BFSP2: variants seen among roughly 807,000 people sequenced by gnomAD.
BFSP2 encodes phakinin.
In BFSP2, 38 loss-of-function variants were observed where a neutral mutation model predicts 44.9. The ratio of observed to expected loss-of-function variants is 0.85; its 90% CI spans 0.65 to 1.11. The LOEUF (loss-of-function observed/expected upper bound fraction) is 1.11, where lower values mean the gene tolerates loss of function less well. Among genes scored for constraint, BFSP2 ranks in the 50% least tolerant of loss-of-function variants. The probability of loss-of-function intolerance (pLI) is 0.00; values close to 1 mark genes in which losing one functional copy is unlikely to be tolerated. For missense variants in BFSP2, 525 were observed against 533.0 expected, an observed-to-expected ratio of 0.99 and a Z score of 0.15; for synonymous variants, 197 against 209.9, an observed-to-expected ratio of 0.94 and a Z score of 0.53.
chr3:133,447,616 C>T (rs911063709), intron 2 of BFSP2, among the ~76,000 whole-genome samples: 4 of 152,108 alleles, frequency 2.6e-5, no homozygotes, highest in African/African-American at 7.2e-5. Context: ...TGGTTTAGAG[C>T]AGGGTTCTCA....
chr3:133,459,657 G>A (rs768674029), intron 4 of BFSP2, among the ~76,000 whole-genome samples: 6 of 152,170 alleles, frequency 3.9e-5, no homozygotes, highest in Non-Finnish European at 8.8e-5. Context: ...TTTAATCCCC[G>A]CTGAGGAGAG....
At chr3:133,410,728 T>A (rs1313549881) in intron 1 of BFSP2, 2 of 248,136 alleles carry the variant, frequency 8.1e-6, no homozygotes, top group African/African-American at 4.6e-5. Flanking sequence ...GAACCAGAGC[T>A]GTCCTCTGAG....
At chr3:133,425,600 T>C (rs1010826667) in intron 1 of BFSP2, among the ~76,000 whole-genome samples, 4 of 152,064 alleles carry the variant, frequency 2.6e-5, no homozygotes, top group Non-Finnish European at 4.4e-5. Context: ...CCAGTTGATA[T>C]ATTATTCAAC....
intron 5 of BFSP2, among the ~76,000 whole-genome samples, chr3:133,467,842 G>T (rs747080439): frequency 5.3e-5 from 8 of 152,088 alleles, no homozygotes; most frequent in African/African-American, 1.4e-4. Context: ...TCAATGAGGC[G>T]CATGATAGGA....
intron 4 of BFSP2, among the ~76,000 whole-genome samples, chr3:133,465,978 T>C (rs1255004235): frequency 6.6e-6 from 1 of 152,146 alleles, no homozygotes; most frequent in African/African-American, 2.4e-5. Flanking sequence ...CTAAATACAT[T>C]GCAGCCCTTC....
intron 1 of BFSP2, among the ~76,000 whole-genome samples, chr3:133,436,202 T>C (rs1011866956): frequency 6.6e-6 from 1 of 151,902 alleles, no homozygotes; most frequent in African/African-American, 2.4e-5. Context: ...GTCGTGTGCC[T>C]GTAGTCCCAG....
chr3:133,453,719 T>C (rs1008175146), intron 4 of BFSP2, among the ~76,000 whole-genome samples: 4 of 152,152 alleles, frequency 2.6e-5, no homozygotes, highest in African/African-American at 9.7e-5. Flanking sequence ...GGCAAAAAGA[T>C]GCAGAATCTG....
At chr3:133,444,743 G>T (rs1390927081) in intron 1 of BFSP2, among the ~76,000 whole-genome samples, 1 of 151,852 alleles carries the variant, frequency 6.6e-6, no homozygotes, top group Non-Finnish European at 1.5e-5. Context: ...TCTTAAACTA[G>T]TCCACATTTT....
chr3:133,452,483 G>A (rs1050807928), intron 4 of BFSP2, among the ~76,000 whole-genome samples: 9 of 152,174 alleles, frequency 5.9e-5, no homozygotes, highest in Non-Finnish European at 1.0e-4. Context: ...GATGAGAAGT[G>A]GAGCAACACA....
intron 1 of BFSP2, among the ~76,000 whole-genome samples, chr3:133,424,614 G>GT (rs1229243462): frequency 6.6e-6 from 1 of 151,880 alleles, no homozygotes; most frequent in Non-Finnish European, 1.5e-5. Flanking sequence ...GGGTTTGTTT[G>GT]TTTTTTGTTT....
chr3:133,455,869 G>A (rs1472104429), intron 4 of BFSP2: 1 of 152,548 alleles, frequency 6.6e-6, no homozygotes, highest in Non-Finnish European at 1.5e-5. Context: ...CCCTAAGCCT[G>A]GTCTGAAGTC....
At chr3:133,446,576 A>T (rs1365758587) in intron 1 of BFSP2, among the ~76,000 whole-genome samples, 6 of 7,472 alleles carry the variant, frequency 8.0e-4, no homozygotes, top group African/African-American at 1.8e-3. Flanking sequence ...CCATTTATAT[A>T]TATATATATA....
chr3:133,449,739 A>T (rs987028768), intron 3 of BFSP2, among the ~76,000 whole-genome samples: 2 of 151,892 alleles, frequency 1.3e-5, no homozygotes, highest in Non-Finnish European at 2.9e-5. Flanking sequence ...TTAGCTGGGC[A>T]TGGTGGTGTG....
intron 1 of BFSP2, among the ~76,000 whole-genome samples, chr3:133,434,760 T>A (rs544412749): frequency 6.2e-4 from 95 of 152,268 alleles, no homozygotes; most frequent in African/African-American, 2.2e-3. Context: ...CTCAAAAAGC[T>A]ACCCCACTGA....
At chr3:133,460,041 C>T (rs550724360) in intron 4 of BFSP2, among the ~76,000 whole-genome samples, 2 of 152,198 alleles carry the variant, frequency 1.3e-5, no homozygotes, top group South Asian at 4.2e-4. Flanking sequence ...AAATAAGGAA[C>T]CCACAGTCCA....
At chr3:133,444,753 T>G (rs1453345208) in intron 1 of BFSP2, among the ~76,000 whole-genome samples, 3 of 151,940 alleles carry the variant, frequency 2.0e-5, no homozygotes, top group Non-Finnish European at 4.4e-5. Flanking sequence ...GTCCACATTT[T>G]TCCACCTACC....
chr3:133,406,173 G>T (rs1345881977), intron 1 of BFSP2, among the ~76,000 whole-genome samples: 1 of 151,066 alleles, frequency 6.6e-6, no homozygotes, highest in Admixed American at 6.6e-5. Flanking sequence ...TGGCCAGGCT[G>T]GTCTCAAACT....
At chr3:133,431,735 T>C (rs59524828) in intron 1 of BFSP2, among the ~76,000 whole-genome samples, 9,222 of 152,014 alleles carry the variant, frequency 0.061, 803 homozygotes, top group African/African-American at 0.2. Context: ...TTTTCAAGGG[T>C]CTATTTCCCT....
chr3:133,432,282 G>A (rs1161176753), intron 1 of BFSP2, among the ~76,000 whole-genome samples: 1 of 152,138 alleles, frequency 6.6e-6, no homozygotes, highest in African/African-American at 2.4e-5. Context: ...AAATTGTTTT[G>A]CCTATCCGCC....
Sources: gnomAD v4.1 joint callset for allele counts (sites outside exome capture counted in the v4.1 genomes callset) on GRCh38, gnomAD v4.1.1 for gene constraint, MANE v1.5 for transcripts, NCBI Gene and HGNC (gene_info 2026-07-23, HGNC 2026-07-21) for gene names.